The following KIAA1217 variants were observed in gnomAD, a reference collection of about 807,000 sequenced individuals.
The protein encoded by KIAA1217 is KIAA1217.
Under a neutral mutation model 163.9 loss-of-function variants are expected in KIAA1217, and 88 were observed. The ratio of observed to expected loss-of-function variants is 0.54; its 90% CI spans 0.45 to 0.64. The LOEUF (loss-of-function observed/expected upper bound fraction) is 0.64. Ranked by LOEUF, KIAA1217 falls within the 30% of genes least tolerant of loss-of-function variation. The pLI, the probability that KIAA1217 is intolerant of heterozygous loss-of-function variation, is 0.00. For synonymous variants in KIAA1217, 903 were observed against 923.1 expected, an observed-to-expected ratio of 0.98 and a Z score of 0.39; for missense variants, 2,372 against 2,475.0, an observed-to-expected ratio of 0.96 and a Z score of 0.88.
At chr10:23,865,593 C>G (rs1218859036) in intron 1 of KIAA1217, among the ~76,000 whole-genome samples, 3 of 151,804 alleles carry the variant, frequency 2.0e-5, no homozygotes, top group Non-Finnish European at 2.9e-5. Context: ...TTTTATAATC[C>G]AAACTGCCTT....
chr10:23,937,248 G>A (rs989689638), intron 1 of KIAA1217, among the ~76,000 whole-genome samples: 1 of 152,156 alleles, frequency 6.6e-6, no homozygotes, highest in African/African-American at 2.4e-5. Flanking sequence ...AGCTTTTTAG[G>A]AGTGAGGGAG....
intron 2 of KIAA1217, among the ~76,000 whole-genome samples, chr10:24,309,613 A>G (rs1191318810): frequency 6.6e-6 from 1 of 152,176 alleles, no homozygotes; most frequent in African/African-American, 2.4e-5. Context: ...TTACAAAATC[A>G]TCGTAGTCTT....
At chr10:24,014,634 C>T (rs536628840) in intron 2 of KIAA1217, among the ~76,000 whole-genome samples, 3 of 152,254 alleles carry the variant, frequency 2.0e-5, no homozygotes, top group Admixed American at 1.3e-4. Context: ...TAGATCAATA[C>T]AGCATCTAAC....
intron 2 of KIAA1217, among the ~76,000 whole-genome samples, chr10:24,329,506 A>T (rs766416688): frequency 1.1e-4 from 17 of 152,074 alleles, no homozygotes; most frequent in Non-Finnish European, 1.6e-4. Context: ...TCATTGCATG[A>T]TCCACCCTTT....
At chr10:24,407,540 A>G (rs2057353842) in intron 3 of KIAA1217, among the ~76,000 whole-genome samples, 1 of 152,112 alleles carries the variant, frequency 6.6e-6, no homozygotes, top group Non-Finnish European at 1.5e-5. Flanking sequence ...TCCTGGCCTC[A>G]AGTGATCCCC....
At chr10:24,204,659 G>A (rs2067449653), upstream of KIAA1217, among the ~76,000 whole-genome samples, 1 of 152,134 alleles carries the variant, frequency 6.6e-6, no homozygotes, top group African/African-American at 2.4e-5. Context: ...TTGTCCAGTT[G>A]TAATTATTAA....
At chr10:24,264,575 A>C (rs182953964) in intron 2 of KIAA1217, among the ~76,000 whole-genome samples, 3 of 152,340 alleles carry the variant, frequency 2.0e-5, no homozygotes, top group Non-Finnish European at 4.4e-5. Context: ...TGTGAGTGAT[A>C]ACGTGTTTCC....
At chr10:24,112,780 G>C (rs1299568294) in intron 2 of KIAA1217, among the ~76,000 whole-genome samples, 1 of 151,814 alleles carries the variant, frequency 6.6e-6, no homozygotes, top group Non-Finnish European at 1.5e-5. Context: ...TAGAGACGGG[G>C]TTTCACCGTG....
At chr10:24,411,056 C>T (rs547487301) in intron 3 of KIAA1217, among the ~76,000 whole-genome samples, 1 of 152,228 alleles carries the variant, frequency 6.6e-6, no homozygotes, top group Non-Finnish European at 1.5e-5. Flanking sequence ...ATCCACAGAC[C>T]TGAAGTCAGC....
intron 1 of KIAA1217, among the ~76,000 whole-genome samples, chr10:23,704,164 GTGTGTGTGTA>G (rs1836698321): frequency 1.2e-5 from 1 of 80,594 alleles, no homozygotes; most frequent in South Asian, 4.7e-4. Flanking sequence ...GTGTGTGTGT[GTGTGTGTGTA>G]TATATATATA....
At chr10:23,903,816 C>A (rs1045943599) in intron 1 of KIAA1217, among the ~76,000 whole-genome samples, 5 of 152,104 alleles carry the variant, frequency 3.3e-5, no homozygotes, top group African/African-American at 1.2e-4. Context: ...CACCTCATCA[C>A]TTTCTAGCCC....
At chr10:24,205,634 G>A (rs956697120), upstream of KIAA1217, among the ~76,000 whole-genome samples, 3 of 151,946 alleles carry the variant, frequency 2.0e-5, no homozygotes, top group Non-Finnish European at 4.4e-5. Context: ...TTAGCTGGGC[G>A]TGGTGGCATG....
chr10:23,808,934 A>G (rs1221725023), intron 1 of KIAA1217, among the ~76,000 whole-genome samples: 2 of 152,150 alleles, frequency 1.3e-5, no homozygotes, highest in Admixed American at 1.3e-4. Flanking sequence ...AGGAAGGCAA[A>G]TCCGTAACAA....
At chr10:24,031,596 A>G (rs1196229568) in intron 2 of KIAA1217, among the ~76,000 whole-genome samples, 1 of 152,126 alleles carries the variant, frequency 6.6e-6, no homozygotes, top group Non-Finnish European at 1.5e-5. Flanking sequence ...CACTATGCCC[A>G]GCCGCTGAGC....
At chr10:23,805,996 CAAAAAAA>C (rs71397917) in intron 1 of KIAA1217, among the ~76,000 whole-genome samples, 14 of 30,502 alleles carry the variant, frequency 4.6e-4, no homozygotes, top group South Asian at 2.7e-3. Flanking sequence ...AACTCCATCT[CAAAAAAA>C]AAAAAAAAAA....
intron 3 of KIAA1217, among the ~76,000 whole-genome samples, chr10:24,413,357 A>G (rs2057965984): frequency 6.6e-6 from 1 of 152,146 alleles, no homozygotes; most frequent in African/African-American, 2.4e-5. Flanking sequence ...TTTTTAGTAG[A>G]GACAGGGTTT....
intron 2 of KIAA1217, among the ~76,000 whole-genome samples, chr10:24,066,813 C>T (rs908412468): frequency 9.2e-5 from 14 of 152,152 alleles, no homozygotes; most frequent in African/African-American, 3.4e-4. Flanking sequence ...TCCACATAGT[C>T]CCATATTTCT....
At chr10:24,067,047 A>AT (rs1233918128) in intron 2 of KIAA1217, among the ~76,000 whole-genome samples, 2 of 151,798 alleles carry the variant, frequency 1.3e-5, no homozygotes, top group Non-Finnish European at 2.9e-5. Context: ...CATTGATCTA[A>AT]TTTTTTTTCA....
chr10:24,157,980 C>G, intron 2 of KIAA1217: 1 of 756,748 alleles, frequency 1.3e-6, no homozygotes. Flanking sequence ...ACTCCACAAT[C>G]TCGATCAATT....
Sources: allele counts gnomAD v4.1 joint callset (sites outside exome capture counted in the v4.1 genomes callset), GRCh38; gene constraint gnomAD v4.1.1; transcripts MANE v1.5; gene names NCBI Gene and HGNC (gene_info 2026-07-23, HGNC 2026-07-21).